The following NUP62 variants were observed in gnomAD, a reference collection of about 807,000 sequenced individuals.
NUP62 encodes nuclear pore glycoprotein p62.
For missense variants in NUP62, 647 were observed against 689.4 expected (o/e 0.94, Z 0.69); for synonymous variants, 305 against 303.4 (o/e 1.01, Z -0.05).
chr19:49,922,539 G>A (rs994157548), intron 2 of NUP62, among the ~76,000 whole-genome samples: 2 of 151,898 alleles, frequency 1.3e-5, no homozygotes, highest in Non-Finnish European at 2.9e-5. Context: ...GGAGACTCTT[G>A]GAATGAGGGC....
chr19:49,911,399 C>T (rs2075458957), intron 2 of NUP62: 1 of 152,204 alleles, frequency 6.6e-6, no homozygotes, highest in African/African-American at 2.4e-5. Flanking sequence ...TAATCAAAGT[C>T]AAGACTGAGA....
chr19:49,924,937 G>C (rs940774678), intron 2 of NUP62, among the ~76,000 whole-genome samples: 6 of 152,142 alleles, frequency 3.9e-5, no homozygotes, highest in Non-Finnish European at 8.8e-5. Context: ...AGCCAGCAAT[G>C]CAATTCTCCT....
At chr19:49,922,949 C>G (rs2075799239) in intron 2 of NUP62, among the ~76,000 whole-genome samples, 1 of 152,150 alleles carries the variant, frequency 6.6e-6, no homozygotes, top group East Asian at 1.9e-4. Context: ...ATGATTGTGC[C>G]CATTTTACTG....
In NUP62 at chr19:49,908,920, T is replaced by C. The variant is rs141558607; in HGVS notation, c.888A>G (p.Pro296=). 1 of 1,607,450 alleles carries C rather than the reference T, an allele frequency of 6.2e-7. No individual in the cohort carries two copies. Among genetic ancestry groups the C allele is most frequent in the African/African-American group, 1.3e-5 (1 of 74,712 alleles). ...TGCTGGGGATCCCGGCTGGCGCCAGTGGTTTTAAATTCAAGGCAAAGCCGG... is the reference window on the plus strand; with the variant it reads ...TGCTGGGGATCCCGGCTGGCGCCAGCGGTTTTAAATTCAAGGCAAAGCCGG... ...STTGFALNLK[P]LAPAGIPSNT... is the part of the protein sequence containing the mutation. The change falls in exon 3 of 3, where the codon CCA becomes CCG. Residue 296 remains proline, a synonymous_variant. Coordinates refer to ENST00000352066, the MANE Select transcript of NUP62 (RefSeq NM_016553.5).
chr19:49,915,662 C>T (rs1031774788), intron 2 of NUP62, among the ~76,000 whole-genome samples: 2 of 152,226 alleles, frequency 1.3e-5, no homozygotes, highest in Non-Finnish European at 2.9e-5. Context: ...GATGGGAATA[C>T]ACAGAGCAGA....
Position 49,909,140 on chromosome 19 carries a change from G to A in NUP62, c.668C>T (p.Ala223Val), listed in dbSNP as rs772968656. Reference sequence around the variant, plus strand: ...TGAGGTTGGAGCAGTTGCTATTGACGCAAAGAGGCTGGGCCCAGTGCTGGT... The same window carrying A: ...TGAGGTTGGAGCAGTTGCTATTGACACAAAGAGGCTGGGCCCAGTGCTGGT... ...TITSTGPSLFASIATAPTSSA... is the reference protein window; with the variant it reads ...TITSTGPSLFVSIATAPTSSA... The change falls in exon 3 of 3, where the codon GCG (alanine) becomes GTG (valine). Residue 223 changes from alanine (A) to valine (V), a missense_variant. Coordinates refer to ENST00000352066, the MANE Select transcript of NUP62 (RefSeq NM_016553.5). 5 of 1,612,732 alleles carry A rather than the reference G, an allele frequency of 3.1e-6. No individual in the cohort carries two copies. The highest frequency in any genetic ancestry group is 2.2e-5 in the South Asian group (2 of 91,068).
chr19:49,910,714 G>C (rs1269878905), intron 2 of NUP62, among the ~76,000 whole-genome samples: 1 of 148,382 alleles, frequency 6.7e-6, no homozygotes, highest in Non-Finnish European at 1.5e-5. Flanking sequence ...ACCAGAGATG[G>C]GTGGGGGTGG....
intron 2 of NUP62, among the ~76,000 whole-genome samples, chr19:49,913,512 A>G (rs774514065): frequency 3.2e-4 from 48 of 152,262 alleles, no homozygotes; most frequent in Middle Eastern, 3.4e-3. Context: ...CGGGTGCGCC[A>G]TGTCCTCCCC....
chr19:49,912,446 G>A (rs1050265994), intron 2 of NUP62, among the ~76,000 whole-genome samples: 16 of 152,134 alleles, frequency 1.1e-4, no homozygotes, highest in African/African-American at 3.9e-4. Context: ...TGGGATTACA[G>A]GCATGAGCCA....
At chr19:49,920,873 G>A (rs2075750633) in intron 2 of NUP62, among the ~76,000 whole-genome samples, 1 of 152,166 alleles carries the variant, frequency 6.6e-6, no homozygotes, top group Non-Finnish European at 1.5e-5. Context: ...CCCATCCGCA[G>A]CCCCTCTTCT....
rs768557703 is a variant in NUP62 at position 49,908,970 on chromosome 19, TGGC to T, written c.835_837del (p.Ala279del). ...GTGGTGCTGCTGCTGCTGGTGGTGG[TGGC>T]GGTGGCGGTGGCAGCGGTGGATGTT... On this transcript the variant is annotated inframe_deletion, in exon 3 of 3. Transcript: ENST00000352066. The T allele has an allele frequency of 1.8e-5, 29 of 1,608,108 alleles. No homozygotes were observed. Among genetic ancestry groups the T allele is most frequent in the East Asian group, 1.8e-4 (8 of 44,778 alleles).
chr19:49,908,676 C>G lies in NUP62; in HGVS notation c.1132G>C (p.Glu378Gln). The change falls in exon 3 of 3, where the codon GAG becomes CAG. Residue 378 changes from glutamate to glutamine, a missense_variant. By Grantham distance (29) the Glu-to-Gln change is conservative (BLOSUM62 2). Transcript: ENST00000352066. Reference sequence around the variant, plus strand: ...TGGTCCAGCTTCACCTTCTCCACCTCGCGGTGCAGGCTGGTGATCTTTTCT... The same window carrying G: ...TGGTCCAGCTTCACCTTCTCCACCTGGCGGTGCAGGCTGGTGATCTTTTCT... ...NGEKITSLHR[E>Q]VEKVKLDQKR... 6.2e-7 allele frequency: 1 copy of G among 1,612,196 alleles called. No homozygotes were observed.
intron 2 of NUP62, among the ~76,000 whole-genome samples, chr19:49,925,520 C>T (rs527738541): frequency 6.6e-6 from 1 of 151,582 alleles, no homozygotes; most frequent in South Asian, 2.1e-4. Flanking sequence ...TGAGACAAAA[C>T]CAAATGGAAG....
chr19:49,919,913 C>A (rs1193127544), intron 2 of NUP62, among the ~76,000 whole-genome samples: 1 of 152,164 alleles, frequency 6.6e-6, no homozygotes, highest in East Asian at 1.9e-4. Flanking sequence ...TTCCCCTCTA[C>A]CTACTGCATT....
rs1174334003 is a variant in NUP62, at chr19:49,908,026, A to G, written c.*213T>C. 2.0e-6 allele frequency: 2 copies of G among 1,021,194 alleles called. No homozygotes were observed. Among genetic ancestry groups the G allele is most frequent in the African/African-American group, 1.6e-5 (1 of 61,790 alleles). 63.3% of individuals were successfully genotyped at this position (1,021,194 alleles called of 1,614,324 possible). ...AAGATACTCAAATGAAAGCCACAGA[A>G]GCCACACCCATGAGGCTGCTGCCTG... On this transcript the variant is annotated 3_prime_UTR_variant, in exon 3 of 3. Transcript: ENST00000352066.
At chr19:49,929,168 C>T (rs528479000) in intron 1 of NUP62, 158 bp downstream of exon 1, 1 of 148,900 alleles carries the variant, frequency 6.7e-6, no homozygotes, top group Non-Finnish European at 1.5e-5. Flanking sequence ...GCTCCGCCAC[C>T]CAGTATATAT....
In NUP62 at chr19:49,908,089, G is replaced by A. The variant is rs896127652; in HGVS notation, c.*150C>T. The A allele has an allele frequency of 1.3e-5, 19 of 1,460,744 alleles. No homozygotes were observed. The highest frequency in any genetic ancestry group is 1.5e-5 in the Non-Finnish European group (17 of 1,105,540). 90.5% of individuals were successfully genotyped at this position (1,460,744 alleles called of 1,614,324 possible). On this transcript the variant is annotated 3_prime_UTR_variant, in exon 3 of 3. Transcript: ENST00000352066. Reference sequence around the variant, plus strand: ...AGAATACCCTCCTAAATGGAAAAACGCAAAGCACACAGCGATCATGTCAAG... The same window carrying A: ...AGAATACCCTCCTAAATGGAAAAACACAAAGCACACAGCGATCATGTCAAG...
At chr19:49,912,435 T>C (rs931825203) in intron 2 of NUP62, among the ~76,000 whole-genome samples, 30 of 152,190 alleles carry the variant, frequency 2.0e-4, no homozygotes, top group African/African-American at 6.7e-4. Context: ...TCCCAAAGTG[T>C]TGGGATTACA....
intron 2 of NUP62, among the ~76,000 whole-genome samples, chr19:49,915,074 T>A (rs1408951446): frequency 3.3e-5 from 5 of 151,150 alleles, no homozygotes; most frequent in Admixed American, 6.6e-5. Flanking sequence ...GGGACAGGAG[T>A]CTGTGCCTGG....
Sources: gnomAD v4.1 joint callset for allele counts (sites outside exome capture counted in the v4.1 genomes callset) on GRCh38, gnomAD v4.1.1 for gene constraint, MANE v1.5 for transcripts, NCBI Gene and HGNC (gene_info 2026-07-23, HGNC 2026-07-21) for gene names.